Variants in EEA1 observed in about 807,000 individuals in gnomAD.
EEA1 encodes the protein early endosome antigen 1.
Under a neutral mutation model 209.2 loss-of-function variants are expected in EEA1, and 111 were observed. The ratio of observed to expected loss-of-function variants is 0.53; its 90% confidence interval spans 0.45 to 0.62. The LOEUF (loss-of-function observed/expected upper bound fraction) is 0.62. Among genes scored for constraint, EEA1 ranks in the 20% least tolerant of loss-of-function variants. The probability of loss-of-function intolerance (pLI) is 0.00; values close to 1 mark genes in which losing one functional copy is unlikely to be tolerated. For missense variants in EEA1, 1,343 were observed against 1,530.8 expected, an observed-to-expected ratio of 0.88 and a Z score of 2.05; for synonymous variants, 536 against 540.6, an observed-to-expected ratio of 0.99 and a Z score of 0.12.
intron 2 of EEA1, among the ~76,000 whole-genome samples, chr12:92,867,632 C>T (rs995515550): frequency 5.3e-5 from 8 of 152,090 alleles, no homozygotes; most frequent in East Asian, 1.9e-4. Context: ...TATTTGTGCA[C>T]ATTATGTGGC....
intron 14 of EEA1, among the ~76,000 whole-genome samples, 189 bp downstream of exon 14, chr12:92,819,119 T>C (rs1247437162): frequency 6.6e-6 from 1 of 152,202 alleles, no homozygotes; most frequent in African/African-American, 2.4e-5. Context: ...TGTCAAATCA[T>C]GTTAACTAAC....
intron 8 of EEA1, among the ~76,000 whole-genome samples, chr12:92,851,919 A>G (rs1877647506): frequency 6.6e-6 from 1 of 152,124 alleles, no homozygotes; most frequent in Non-Finnish European, 1.5e-5. Flanking sequence ...TGCAGATATG[A>G]AAACTACTAA....
chr12:92,826,498 A>G (rs1183131728), intron 12 of EEA1, among the ~76,000 whole-genome samples: 3 of 151,982 alleles, frequency 2.0e-5, no homozygotes, highest in Non-Finnish European at 4.4e-5. Flanking sequence ...TCACAAGGTC[A>G]GGAGTTCGAA....
At chr12:92,901,027 C>T (rs1022930310) in intron 1 of EEA1, among the ~76,000 whole-genome samples, 20 of 151,998 alleles carry the variant, frequency 1.3e-4, no homozygotes, top group African/African-American at 4.6e-4. Context: ...ATTTTTGATT[C>T]ATTAACATTT....
chr12:92,847,045 C>T (rs950721621), intron 9 of EEA1, among the ~76,000 whole-genome samples: 3 of 152,086 alleles, frequency 2.0e-5, no homozygotes, highest in Admixed American at 6.6e-5. Flanking sequence ...CTCCACCTCC[C>T]GGGTTCAAGG....
At chr12:92,866,818 C>T (rs967254735) in intron 2 of EEA1, among the ~76,000 whole-genome samples, 3 of 152,170 alleles carry the variant, frequency 2.0e-5, no homozygotes, top group Admixed American at 6.6e-5. Context: ...CTCATCAACG[C>T]CCACCTTTCA....
chr12:92,880,617 G>A (rs1050367636), intron 2 of EEA1, among the ~76,000 whole-genome samples: 2 of 152,090 alleles, frequency 1.3e-5, no homozygotes, highest in Non-Finnish European at 2.9e-5. Context: ...TGGGACTACA[G>A]GCACCCACCA....
At chr12:92,866,260 G>A (rs1878392637) in intron 2 of EEA1, among the ~76,000 whole-genome samples, 1 of 142,902 alleles carries the variant, frequency 7.0e-6, no homozygotes, top group African/African-American at 2.6e-5. Flanking sequence ...TTTTAAAATA[G>A]TAATTAGCAA....
intron 3 of EEA1, among the ~76,000 whole-genome samples, chr12:92,862,522 G>A (rs1878199452): frequency 6.6e-6 from 1 of 152,040 alleles, no homozygotes; most frequent in African/African-American, 2.4e-5. Context: ...CTTGAGACCA[G>A]GAGTTGGAGG....
At chr12:92,919,336 A>T (rs1415831320) in intron 1 of EEA1, among the ~76,000 whole-genome samples, 1 of 147,524 alleles carries the variant, frequency 6.8e-6, no homozygotes, top group Admixed American at 6.8e-5. Context: ...ACATTGATGC[A>T]AAAATCCTCA....
intron 22 of EEA1, among the ~76,000 whole-genome samples, chr12:92,784,997 G>T (rs1874065743): frequency 7.1e-6 from 1 of 141,006 alleles, no homozygotes. Flanking sequence ...TGTTGTTTTT[G>T]TCTATTCAGC....
intron 3 of EEA1, chr12:92,858,899 T>C: frequency 1.4e-6 from 1 of 712,710 alleles, no homozygotes; most frequent in Non-Finnish European, 2.6e-6. Context: ...TATGGACACT[T>C]ACAGAGGTTG....
intron 21 of EEA1, among the ~76,000 whole-genome samples, chr12:92,789,383 T>C (rs1399380699): frequency 6.6e-6 from 1 of 152,058 alleles, no homozygotes; most frequent in East Asian, 1.9e-4. Flanking sequence ...AGATATTCTT[T>C]ACAACTGACT....
At chr12:92,804,376 A>T (rs749903958) in intron 18 of EEA1, among the ~76,000 whole-genome samples, 2 of 151,970 alleles carry the variant, frequency 1.3e-5, no homozygotes, top group Non-Finnish European at 2.9e-5. Context: ...ATCGAGACCA[A>T]CCTGGCTAAC....
At chr12:92,920,762 C>A (rs1376126621) in intron 1 of EEA1, among the ~76,000 whole-genome samples, 1 of 151,296 alleles carries the variant, frequency 6.6e-6, no homozygotes, top group East Asian at 1.9e-4. Context: ...TCTAATTAAA[C>A]TCAAGAGCTT....
At chr12:92,895,843 C>CT (rs1879856744) in intron 1 of EEA1, among the ~76,000 whole-genome samples, 1 of 152,122 alleles carries the variant, frequency 6.6e-6, no homozygotes. Flanking sequence ...TCAACACTAA[C>CT]AAGAGTTTAG....
intron 10 of EEA1, 118 bp downstream of exon 10, chr12:92,842,347 C>CT: frequency 1.8e-6 from 1 of 556,238 alleles, no homozygotes. Flanking sequence ...ATATTAAACA[C>CT]TAAAAAAAAA....
chr12:92,920,091 TAA>T (rs1414035062), intron 1 of EEA1, among the ~76,000 whole-genome samples: 2 of 30,960 alleles, frequency 6.5e-5, no homozygotes, highest in African/African-American at 3.8e-4. Flanking sequence ...CTCAAGGAAA[TAA>T]AAGAGGATAC....
At chr12:92,852,753 T>C (rs1877685666) in intron 7 of EEA1, among the ~76,000 whole-genome samples, 159 bp downstream of exon 7, 1 of 152,160 alleles carries the variant, frequency 6.6e-6, no homozygotes, top group Non-Finnish European at 1.5e-5. Flanking sequence ...CAAAATAATT[T>C]ACATAGCAAC....
Sources: allele counts gnomAD v4.1 joint callset (sites outside exome capture counted in the v4.1 genomes callset), GRCh38; gene constraint gnomAD v4.1.1; transcripts MANE v1.5; gene names NCBI Gene and HGNC (gene_info 2026-07-23, HGNC 2026-07-21).